ANXA7: variants seen among roughly 807,000 people sequenced by gnomAD.
ANXA7 encodes annexin VII.
In ANXA7, 55 loss-of-function variants were observed where a neutral mutation model predicts 64.9. That is an observed-to-expected ratio of 0.85 (90% CI 0.68 to 1.06). The LOEUF (loss-of-function observed/expected upper bound fraction) is 1.06, where lower values mean the gene tolerates loss of function less well. Among genes scored for constraint, ANXA7 ranks in the 50% least tolerant of loss-of-function variants. ANXA7 has a pLI of 0.00. For synonymous variants in ANXA7, 200 were observed against 192.4 expected (o/e 1.04, Z -0.33); for missense variants, 548 against 582.1 (o/e 0.94, Z 0.60).
At chr10:73,412,412 T>G (rs2132709324) in intron 1 of ANXA7, among the ~76,000 whole-genome samples, 1 of 152,244 alleles carries the variant, frequency 6.6e-6, no homozygotes, top group East Asian at 1.9e-4. Context: ...ATTTTAAACG[T>G]TTTTGTAAAA....
intron 12 of ANXA7, among the ~76,000 whole-genome samples, chr10:73,378,161 G>A (rs1380007775): frequency 2.0e-5 from 3 of 151,792 alleles, no homozygotes; most frequent in Non-Finnish European, 4.4e-5. Flanking sequence ...GATCACTTGA[G>A]GTCAGGAGTT....
intron 7 of ANXA7, among the ~76,000 whole-genome samples, chr10:73,387,206 G>A (rs2055388122): frequency 6.6e-6 from 1 of 152,072 alleles, no homozygotes; most frequent in Non-Finnish European, 1.5e-5. Flanking sequence ...GACTACTCTA[G>A]AATGAAAAAG....
chr10:73,410,414 C>T (rs1005931691), intron 1 of ANXA7, among the ~76,000 whole-genome samples: 5 of 152,130 alleles, frequency 3.3e-5, no homozygotes, highest in African/African-American at 9.7e-5. Flanking sequence ...AATTCAACAT[C>T]ATTAATCATC....
At chr10:73,384,990 T>A in intron 7 of ANXA7, among the ~76,000 whole-genome samples, 1 of 152,060 alleles carries the variant, frequency 6.6e-6, no homozygotes, top group Admixed American at 6.6e-5. Context: ...AAGAAAAACA[T>A]TGATGTCCAG....
intron 5 of ANXA7, among the ~76,000 whole-genome samples, chr10:73,392,381 G>A (rs2055499585): frequency 6.6e-6 from 1 of 151,036 alleles, no homozygotes; most frequent in Non-Finnish European, 1.5e-5. Context: ...AACAAAGCCT[G>A]GCAGAGACAC....
intron 12 of ANXA7, among the ~76,000 whole-genome samples, 198 bp downstream of exon 12, chr10:73,378,713 G>C (rs901245936): frequency 2.0e-5 from 3 of 152,178 alleles, no homozygotes; most frequent in African/African-American, 7.2e-5. Flanking sequence ...TTAGGGTAGA[G>C]TGGCCTATTT....
At chr10:73,406,217 A>G (rs1445161008) in intron 1 of ANXA7, among the ~76,000 whole-genome samples, 1 of 152,190 alleles carries the variant, frequency 6.6e-6, no homozygotes, top group Non-Finnish European at 1.5e-5. Flanking sequence ...CGGCCTCCCA[A>G]GGTGCTGGGA....
chr10:73,388,541 T>C lies in ANXA7; in HGVS notation c.436-127A>G, dbSNP rs2055417596. 7.4e-6 allele frequency: 5 copies of C among 675,702 alleles called. No homozygotes were observed. In the Admixed American group the frequency reaches 1.3e-4, roughly 18 times the overall value. The allele number at this position is 675,702 out of a possible 1,614,324, so 41.9% of individuals were successfully genotyped here. A position where few individuals can be genotyped will look rare whatever the true frequency, so the allele number is the denominator to read the frequency against. On this transcript the variant is annotated intron_variant, in intron 5 of 12. Coordinates refer to ENST00000372921, the MANE Select transcript of ANXA7 (RefSeq NM_001156.5). Reference sequence around the variant, plus strand: ...ATGTTTGGGTTTTAAGGCAAGGATATGAGCATTTTATTACCAGAGCTCATT... The same window carrying C: ...ATGTTTGGGTTTTAAGGCAAGGATACGAGCATTTTATTACCAGAGCTCATT...
At chr10:73,395,321 C>A (rs1035552243) in intron 5 of ANXA7, among the ~76,000 whole-genome samples, 3 of 152,076 alleles carry the variant, frequency 2.0e-5, no homozygotes, top group East Asian at 1.9e-4. Flanking sequence ...CCTACCCCAG[C>A]CTAAAACAAG....
At chr10:73,390,725 T>TATATATATATATATATATAA (rs1217514163) in intron 5 of ANXA7, among the ~76,000 whole-genome samples, 28 of 124,628 alleles carry the variant, frequency 2.2e-4, no homozygotes, top group African/African-American at 7.4e-4. Flanking sequence ...TATATAAAAA[T>TATATATATATATATATATAA]ATATATATAC....
In ANXA7 at chr10:73,388,347, T is replaced by C. The variant is rs569003215; in HGVS notation, c.503A>G (p.Asp168Gly). 1.2e-6 allele frequency: 2 copies of C among 1,614,094 alleles called. No homozygotes were observed. The highest frequency in any genetic ancestry group is 2.7e-5 in the African/African-American group (2 of 75,056). ...RPAANFDAIR[D>G]AEILRKAMKG... ...CATTGCCTTACGAAGAATTTCTGCA[T>C]CTCTTATAGCATCGAAGTTGGCAGC... is the stretch of plus-strand genomic sequence containing the variant. Residue 168 changes from aspartate (D) to glycine (G), a missense_variant, in exon 6 of 13, where the codon GAT becomes GGT. Physicochemically the swap from Asp to Gly is moderately conservative, Grantham distance 94. Transcript: ENST00000372921.
intron 4 of ANXA7, 142 bp downstream of exon 4, chr10:73,397,022 T>C (rs142812432): frequency 8.2e-6 from 4 of 487,776 alleles, no homozygotes; most frequent in Non-Finnish European, 1.5e-5. Flanking sequence ...ATATATTTCA[T>C]AAAACCATTA....
rs780291975 is a variant in ANXA7, at chr10:73,380,103, T to A, written c.1017A>T (p.Glu339Asp). The change falls in exon 10 of 13, where the codon GAA (glutamate) becomes GAT (aspartate). Residue 339 changes from glutamate to aspartate, a missense_variant. Transcript: ENST00000372921. ...TGGCAAGGATCATGTTAAAGCAAGA[T>A]TCATCGGTCCCTAGTCTCCCCTCAC... is the stretch of plus-strand genomic sequence containing the variant. ...QAGEGRLGTD[E>D]SCFNMILATR... 22 of 1,614,056 alleles carry A rather than the reference T, an allele frequency of 1.4e-5. No individual in the cohort carries two copies. The highest frequency in any genetic ancestry group is 1.7e-5 in the Non-Finnish European group (20 of 1,180,040).
intron 1 of ANXA7, among the ~76,000 whole-genome samples, chr10:73,404,188 T>C (rs2055716855): frequency 6.6e-6 from 1 of 152,216 alleles, no homozygotes; most frequent in African/African-American, 2.4e-5. Context: ...TGGTAGAGTG[T>C]GGTTAGTCTG....
chr10:73,401,624 C>T (rs748496781), intron 1 of ANXA7, among the ~76,000 whole-genome samples: 21 of 152,118 alleles, frequency 1.4e-4, no homozygotes, highest in African/African-American at 3.6e-4. Flanking sequence ...CTCAGCCTCC[C>T]GAGTAGCTGG....
intron 1 of ANXA7, among the ~76,000 whole-genome samples, chr10:73,410,769 G>A (rs562981020): frequency 1.3e-4 from 18 of 142,682 alleles, no homozygotes; most frequent in South Asian, 2.2e-4. Context: ...CAACGAGAGC[G>A]AGACTCCATC....
At chr10:73,379,166 G>T in intron 11 of ANXA7, 143 bp from the exon 12 acceptor site, 1 of 554,544 alleles carries the variant, frequency 1.8e-6, no homozygotes, top group Non-Finnish European at 3.0e-6. Context: ...AGAGTGTTCA[G>T]ATGCTCTCCT....
chr10:73,387,752 C>T lies in ANXA7; in HGVS notation c.570G>A (p.Val190=). 6.2e-7 allele frequency: 1 copy of T among 1,613,730 alleles called. No individual in the cohort carries two copies. The highest frequency in any genetic ancestry group is 8.5e-7 in the Non-Finnish European group (1 of 1,179,984). ...GTDEQAIVDV[V]ANRSNDQRQK... ...GCCTCTGATCATTGGAACGGTTGGCCACCACATCCACAATTGCCTGCTCAT... is the reference window on the plus strand; with the variant it reads ...GCCTCTGATCATTGGAACGGTTGGCTACCACATCCACAATTGCCTGCTCAT... The change falls in exon 7 of 13, where the codon GTG becomes GTA. Residue 190 remains valine (V), a synonymous_variant. Transcript: ENST00000372921.
intron 1 of ANXA7, among the ~76,000 whole-genome samples, chr10:73,407,192 T>A (rs1205335545): frequency 6.6e-6 from 1 of 152,160 alleles, no homozygotes; most frequent in Non-Finnish European, 1.5e-5. Flanking sequence ...TTCTCCTCCT[T>A]TAGCATTCCA....
Sources: allele counts gnomAD v4.1 joint callset (sites outside exome capture counted in the v4.1 genomes callset), GRCh38; gene constraint gnomAD v4.1.1; transcripts MANE v1.5; gene names NCBI Gene and HGNC (gene_info 2026-07-23, HGNC 2026-07-21).